CCDC138: variants seen among roughly 807,000 people sequenced by gnomAD.
CCDC138 encodes coiled-coil domain-containing protein 138.
Under a neutral mutation model 82.3 loss-of-function variants are expected in CCDC138, and 66 were observed. The observed-to-expected ratio is 0.80, with a 90% CI of 0.66 to 0.98. CCDC138 has a LOEUF of 0.98. Ranked by LOEUF, CCDC138 falls within the 50% of genes least tolerant of loss-of-function variation. The probability of loss-of-function intolerance (pLI) is 0.00; values close to 1 mark genes in which losing one functional copy is unlikely to be tolerated. For synonymous variants in CCDC138, 297 were observed against 265.4 expected (o/e 1.12, Z -1.16); for missense variants, 816 against 758.9 (o/e 1.08, Z -0.88).
chr2:108,829,340 A>G (rs1337519563), intron 10 of CCDC138, among the ~76,000 whole-genome samples: 2 of 152,246 alleles, frequency 1.3e-5, no homozygotes, highest in Non-Finnish European at 2.9e-5. Flanking sequence ...CTAAATAGCT[A>G]TTTCTCCAAA....
chr2:108,854,025 T>C (rs1692158170), intron 12 of CCDC138, among the ~76,000 whole-genome samples: 1 of 107,636 alleles, frequency 9.3e-6, no homozygotes, highest in South Asian at 2.4e-4. Flanking sequence ...ATAATAAATT[T>C]ATATTATATA....
intron 12 of CCDC138, among the ~76,000 whole-genome samples, chr2:108,850,897 C>G (rs915016587): frequency 3.3e-5 from 5 of 152,124 alleles, no homozygotes. Flanking sequence ...TACCAAGCAG[C>G]AGACACAAGC....
intron 3 of CCDC138, among the ~76,000 whole-genome samples, chr2:108,790,599 G>C (rs1299400650): frequency 1.3e-5 from 2 of 152,216 alleles, no homozygotes; most frequent in African/African-American, 4.8e-5. Flanking sequence ...CTACTCGGGA[G>C]GCTGAGACAG....
chr2:108,850,212 A>G (rs1691222136), intron 12 of CCDC138, among the ~76,000 whole-genome samples: 1 of 152,240 alleles, frequency 6.6e-6, no homozygotes, highest in Non-Finnish European at 1.5e-5. Context: ...ACTTAACTCT[A>G]GTAAGAAGAT....
chr2:108,817,211 G>A (rs1445875348), intron 10 of CCDC138, among the ~76,000 whole-genome samples: 1 of 152,134 alleles, frequency 6.6e-6, no homozygotes, highest in Non-Finnish European at 1.5e-5. Flanking sequence ...GGATTCAGAA[G>A]AGTAGGTCAG....
chr2:108,795,576 A>G (rs1463210742), intron 5 of CCDC138, among the ~76,000 whole-genome samples: 1 of 152,210 alleles, frequency 6.6e-6, no homozygotes, highest in Non-Finnish European at 1.5e-5. Flanking sequence ...ATAGTTAAGC[A>G]TTTCTTTAAA....
rs1376940619 is a variant in CCDC138, at chr2:108,788,715, G to A, written c.152-137G>A. The A allele has an allele frequency of 6.5e-6, 8 of 1,229,498 alleles. No individual in the cohort carries two copies. The East Asian group carries it at 1.1e-4, about 16-fold the overall frequency. 76.2% of individuals were successfully genotyped at this position (1,229,498 alleles called of 1,614,324 possible). A position where few individuals can be genotyped will look rare whatever the true frequency, so the allele number is the denominator to read the frequency against. On this transcript the variant is annotated intron_variant, in intron 2 of 14. Transcript: ENST00000295124. ...AGCCTGGGTGACAGAGCGAGACTCC[G>A]TCTCAAAGAAAAAAAAAGAAAAAAA...
rs376743480 is a variant in CCDC138, at chr2:108,861,966, G to A, written c.1693+4996G>A. 2.6e-4 allele frequency among the ~76,000 whole-genome samples: 40 copies of A among 151,940 alleles called. 1 individual carries two copies. The East Asian group carries it at 5.2e-3, about 20-fold the overall frequency. ...TTTGTTGTTTACCCAAAAGTCATTC[G>A]GGAGTAAATTCTTTAGTTTTCATGT... On this transcript the variant is annotated intron_variant, in intron 13 of 14. Coordinates refer to ENST00000295124, the MANE Select transcript of CCDC138 (RefSeq NM_144978.3).
intron 11 of CCDC138, among the ~76,000 whole-genome samples, chr2:108,845,120 A>G (rs1690224705): frequency 6.6e-6 from 1 of 152,296 alleles, no homozygotes; most frequent in East Asian, 1.9e-4. Flanking sequence ...TTTAAAAACA[A>G]AAAAAGTTTA....
intron 14 of CCDC138, 45 bp from the exon 15 acceptor site, chr2:108,876,043 T>A: frequency 7.8e-7 from 1 of 1,274,148 alleles, no homozygotes; most frequent in Admixed American, 1.9e-5. Context: ...GCAGATAAAC[T>A]CTCTAAGTAT....
intron 10 of CCDC138, among the ~76,000 whole-genome samples, chr2:108,832,094 A>G (rs1319030229): frequency 6.6e-6 from 1 of 150,874 alleles, no homozygotes; most frequent in Non-Finnish European, 1.5e-5. Flanking sequence ...CAGTGCTGCC[A>G]TCTCAGCTCC....
intron 1 of CCDC138, among the ~76,000 whole-genome samples, 196 bp downstream of exon 1, chr2:108,787,111 C>T (rs1443378070): frequency 1.3e-5 from 2 of 152,230 alleles, no homozygotes; most frequent in East Asian, 3.9e-4. Flanking sequence ...GGGGGTGCCG[C>T]TTCACCTATG....
At chr2:108,851,457 A>G (rs1031260002) in intron 12 of CCDC138, among the ~76,000 whole-genome samples, 2 of 152,080 alleles carry the variant, frequency 1.3e-5, no homozygotes, top group Non-Finnish European at 2.9e-5. Context: ...GCCTGCCACC[A>G]TGCCCAGCTA....
chr2:108,795,593 A>G (rs1298964626), intron 5 of CCDC138, among the ~76,000 whole-genome samples: 2 of 152,196 alleles, frequency 1.3e-5, no homozygotes, highest in East Asian at 1.9e-4. Flanking sequence ...TAAAACCAGT[A>G]TTTCGTTTTG....
At chr2:108,845,511 T>C (rs1690286910) in intron 11 of CCDC138, among the ~76,000 whole-genome samples, 1 of 152,142 alleles carries the variant, frequency 6.6e-6, no homozygotes, top group African/African-American at 2.4e-5. Context: ...TTTAAGTTTT[T>C]ACCAAATCTG....
chr2:108,825,523 A>G (rs2150130106), intron 10 of CCDC138, among the ~76,000 whole-genome samples: 1 of 152,086 alleles, frequency 6.6e-6, no homozygotes, highest in South Asian at 2.1e-4. Flanking sequence ...GTCTTTATAG[A>G]TTTTCCTATC....
At chr2:108,815,699 C>A (rs1684669192) in intron 9 of CCDC138, among the ~76,000 whole-genome samples, 1 of 151,996 alleles carries the variant, frequency 6.6e-6, no homozygotes, top group Non-Finnish European at 1.5e-5. Flanking sequence ...TAGGGAACTT[C>A]AGGTGATCCA....
At position 108,839,273 on chromosome 2, in the gene CCDC138, C is replaced by T. The variant is rs1689069864; in HGVS notation, c.1295C>T (p.Ser432Phe). The part of the protein sequence containing the change: ...HEPFVKFIYW[S>F]LRQLDAGAQH... ...CCTTTTGTAAAATTTATATATTGGT[C>T]CCTAAGGCAGCTAGATGCTGGAGCA... is the stretch of plus-strand genomic sequence containing the variant. The change falls in exon 11 of 15, where the codon TCC (serine) becomes TTC (phenylalanine). Residue 432 changes from serine to phenylalanine, a missense_variant. Transcript: ENST00000295124. 1 of 1,612,096 alleles carries T rather than the reference C, an allele frequency of 6.2e-7. No individual in the cohort carries two copies. Among genetic ancestry groups the T allele is most frequent in the Non-Finnish European group, 8.5e-7 (1 of 1,179,084 alleles).
intron 7 of CCDC138, among the ~76,000 whole-genome samples, chr2:108,805,334 A>G (rs1356449240): frequency 6.6e-6 from 1 of 152,140 alleles, no homozygotes; most frequent in Non-Finnish European, 1.5e-5. Context: ...ATTTTTGAGT[A>G]TCTATTATAT....
Sources: gnomAD v4.1 joint callset for allele counts (sites outside exome capture counted in the v4.1 genomes callset) on GRCh38, gnomAD v4.1.1 for gene constraint, MANE v1.5 for transcripts, NCBI Gene and HGNC (gene_info 2026-07-23, HGNC 2026-07-21) for gene names.